PHLDA1: variants seen among roughly 807,000 people sequenced by gnomAD.
PHLDA1 encodes pleckstrin homology like domain family A member 1, also known as pleckstrin homology-like domain family A member 1.
A neutral mutation model predicts 33.8 loss-of-function variants in PHLDA1; 28 were observed. The observed-to-expected ratio is 0.83, with a 90% CI of 0.61 to 1.14. The LOEUF is 1.14. Ranked by LOEUF, PHLDA1 falls within the 50% of genes most tolerant of loss-of-function variation. PHLDA1 has a pLI of 0.00. For synonymous variants in PHLDA1, 271 were observed against 243.6 expected, an observed-to-expected ratio of 1.11 and a Z score of -1.05; for missense variants, 595 against 548.6, an observed-to-expected ratio of 1.08 and a Z score of -0.84.
intron 1 of PHLDA1, 130 bp from the exon 2 acceptor site, chr12:76,030,222 A>C: frequency 2.2e-6 from 1 of 459,710 alleles, no homozygotes. Context: ...GCCCAAACAT[A>C]TAGTCAAGTG....
exon 1 of PHLDA1, chr12:76,030,561 A>C: frequency 6.2e-7 from 1 of 1,613,368 alleles, no homozygotes. Context: ...GGTGCTGCGG[A>C]GAAGCCGGTG....
chr12:76,027,307 T>A (rs772330511), exon 2 of PHLDA1: 1 of 152,166 alleles, frequency 6.6e-6, no homozygotes, highest in Non-Finnish European at 1.5e-5. Flanking sequence ...GGAAAAATTA[T>A]TAATAATAAT....
exon 2 of PHLDA1, chr12:76,027,934 TA>T (rs1292323956): frequency 6.6e-6 from 1 of 151,710 alleles, no homozygotes; most frequent in East Asian, 1.9e-4. Context: ...ATGCCTTTTT[TA>T]AAACCTACAT....
At chr12:76,030,950 A>G (rs1000328085) in exon 1 of PHLDA1, 1 of 1,614,046 alleles carries the variant, frequency 6.2e-7, no homozygotes, top group African/African-American at 1.3e-5. Flanking sequence ...GCGGGCACCG[A>G]AAGTCGATCT....
At chr12:76,028,208 A>T (rs1870817888) in exon 2 of PHLDA1, 1 of 143,148 alleles carries the variant, frequency 7.0e-6, no homozygotes, top group African/African-American at 3.0e-5. Context: ...ATACATATTC[A>T]TATATGTGTA....
Position 76,031,022 on chromosome 12 carries a change from C to G in PHLDA1, c.720G>C (p.Val240=), listed in dbSNP as rs766771181. 9 of 1,612,850 alleles carry G rather than the reference C, an allele frequency of 5.6e-6. No homozygotes were observed. In the Admixed American group the frequency reaches 1.3e-4, roughly 24 times the overall value. Residue 240 remains valine (V), a synonymous_variant, in exon 1 of 2, where the codon GTG becomes GTC. Transcript: ENST00000266671. The surrounding 1 kb of genome is among the most constrained non-coding windows in gnomAD (Gnocchi z 5.4). ...ACTTGCCCTTGCGCTCCACACAGTC[C>G]ACGGTCTTCATGTTGGAGAAGTGCA...
exon 2 of PHLDA1, chr12:76,025,662 A>G (rs1255064034): frequency 6.6e-6 from 1 of 152,188 alleles, no homozygotes; most frequent in Non-Finnish European, 1.5e-5. Flanking sequence ...CGTTAAGAAG[A>G]AGGCTGACCT....
In PHLDA1 at chr12:76,031,305, C is replaced by A. The variant is rs139068354; in HGVS notation, c.437G>T (p.Ser146Ile). ...GCCCTCCTTCAGCGCTTTGCAGCCG[C>A]TACTCTCCAGCATCCTCCCAGCATA... The change falls in exon 1 of 2, where the codon AGC becomes ATC. Residue 146 changes from serine to isoleucine, a missense_variant. Transcript: ENST00000266671. This position sits in a 1 kb window ranked among gnomAD's most constrained non-coding sequence, Gnocchi z 5.4. 971 of 1,613,558 alleles carry A rather than the reference C, an allele frequency of 6.0e-4. 1 individual carries two copies. The highest frequency in any genetic ancestry group is 8.0e-4 in the Non-Finnish European group (946 of 1,179,880).
At chr12:76,029,812 A>G (rs1870851744) in exon 2 of PHLDA1, 1 of 152,650 alleles carries the variant, frequency 6.6e-6, no homozygotes, top group African/African-American at 2.4e-5. Flanking sequence ...ATAATCATAA[A>G]TCAAAATACA....
exon 1 of PHLDA1, chr12:76,030,972 G>A (rs2136925626): frequency 6.2e-7 from 1 of 1,613,960 alleles, no homozygotes; most frequent in African/African-American, 1.3e-5. Context: ...CTTGCCCTCT[G>A]CCATCACCAC....
exon 2 of PHLDA1, chr12:76,028,554 A>C (rs946688212): frequency 5.2e-5 from 8 of 152,386 alleles, no homozygotes; most frequent in African/African-American, 1.9e-4. Flanking sequence ...TCTTGACTAC[A>C]TAACCTAGCA....
intron 1 of PHLDA1, 28 bp downstream of exon 1, chr12:76,030,482 C>G: frequency 6.3e-7 from 1 of 1,584,180 alleles, no homozygotes; most frequent in South Asian, 1.1e-5. Context: ...AGACCCACTC[C>G]TCGGGAGCGC....
chr12:76,029,679 CT>C (rs1870848941), exon 2 of PHLDA1: 1 of 152,530 alleles, frequency 6.6e-6, no homozygotes, highest in Non-Finnish European at 1.5e-5. Flanking sequence ...CTCCACCGCC[CT>C]TTTTTATTCT....
In PHLDA1 at chr12:76,031,106, C is replaced by T. The variant is rs1376702976; in HGVS notation, c.636G>A (p.Pro212=). The stretch of plus-strand genomic sequence containing the variant: ...CGACAGCGGGGCCACTGGGTTGGGA[C>T]GGCTCGGCCGGCCCCTGCCCGGGCT... The change falls in exon 1 of 2, where the codon CCG becomes CCA. Residue 212 remains proline (P), a synonymous_variant. Transcript: ENST00000266671. The surrounding 1 kb of genome is among the most constrained non-coding windows in gnomAD (Gnocchi z 5.4). The T allele has an allele frequency of 2.3e-5, 37 of 1,609,432 alleles. No homozygotes were observed. The highest frequency in any genetic ancestry group is 2.8e-5 in the Non-Finnish European group (33 of 1,179,826).
chr12:76,031,635 C>T lies in PHLDA1; in HGVS notation c.107G>A (p.Arg36Lys), dbSNP rs1280115837. 1 of 1,562,712 alleles carries T rather than the reference C, an allele frequency of 6.4e-7. No individual in the cohort carries two copies. The highest frequency in any genetic ancestry group is 1.8e-5 in the Admixed American group (1 of 54,888). ...CTCGCGGCGCTTTTGAATGGGCCATCTTCCCCACCCCCGAGTGACACCCAG... is the reference window on the plus strand; with the variant it reads ...CTCGCGGCGCTTTTGAATGGGCCATTTTCCCCACCCCCGAGTGACACCCAG... Residue 36 changes from arginine (R) to lysine (K), a missense_variant, in exon 1 of 2, where the codon AGA (arginine) becomes AAA (lysine). Physicochemically the swap from Arg to Lys is conservative, Grantham distance 26 (BLOSUM62 2). Transcript: ENST00000266671. The surrounding 1 kb of genome is among the most constrained non-coding windows in gnomAD (Gnocchi z 5.4).
chr12:76,027,902 T>A (rs1305219125), exon 2 of PHLDA1: 2 of 151,682 alleles, frequency 1.3e-5, no homozygotes, highest in Non-Finnish European at 2.9e-5. Context: ...CCTAGCCCCA[T>A]ATGTAAGCTA....
intron 1 of PHLDA1, among the ~76,000 whole-genome samples, 171 bp from the exon 2 acceptor site, chr12:76,030,263 G>A (rs752287846): frequency 6.6e-6 from 1 of 152,162 alleles, no homozygotes; most frequent in Non-Finnish European, 1.5e-5. Context: ...GGACAAGGAC[G>A]GTCGTGATGG....
At chr12:76,030,798 G>A (rs371793998) in exon 1 of PHLDA1, 2 of 1,496,556 alleles carry the variant, frequency 1.3e-6, no homozygotes, top group Non-Finnish European at 9.1e-7. Context: ...CTGGAGCTGC[G>A]GCTGCGGCTG....
At chr12:76,025,467 C>CT (rs1401309589) in exon 2 of PHLDA1, 3 of 152,100 alleles carry the variant, frequency 2.0e-5, no homozygotes, top group Non-Finnish European at 2.9e-5. Context: ...CAATAGATAA[C>CT]TTTATTTGAA....
Sources: gnomAD v4.1 joint callset for allele counts (sites outside exome capture counted in the v4.1 genomes callset) on GRCh38, gnomAD v4.1.1 for gene constraint, Gnocchi (gnomAD v3.1) non-coding constraint, MANE v1.5 for transcripts, NCBI Gene and HGNC (gene_info 2026-07-23, HGNC 2026-07-21) for gene names.